ARHGAP24: variants seen among roughly 807,000 people sequenced by gnomAD.
ARHGAP24 encodes rho GTPase-activating protein 24.
ARHGAP24 carries 50 observed loss-of-function variants against 76.4 expected under a neutral mutation model. The ratio of observed to expected loss-of-function variants is 0.65; its 90% confidence interval spans 0.52 to 0.83. The LOEUF (loss-of-function observed/expected upper bound fraction) is 0.83. Among genes scored for constraint, ARHGAP24 ranks in the 40% least tolerant of loss-of-function variants. The pLI, the probability that ARHGAP24 is intolerant of heterozygous loss-of-function variation, is 0.00. For synonymous variants in ARHGAP24, 345 were observed against 323.3 expected, an observed-to-expected ratio of 1.07 and a Z score of -0.72; for missense variants, 930 against 914.2, an observed-to-expected ratio of 1.02 and a Z score of -0.22.
At chr4:85,502,040 C>T (rs187249104) in intron 1 of ARHGAP24, among the ~76,000 whole-genome samples, 68 of 151,980 alleles carry the variant, frequency 4.5e-4, no homozygotes, top group Middle Eastern at 6.8e-3. Context: ...TGTAGATATG[C>T]GGTGATATTT....
intron 3 of ARHGAP24, chr4:85,827,904 G>T: frequency 7.8e-7 from 1 of 1,289,740 alleles, no homozygotes; most frequent in Non-Finnish European, 1.0e-6. Context: ...GGACAGAGCA[G>T]CTGCTCTGTC....
intron 3 of ARHGAP24, among the ~76,000 whole-genome samples, chr4:85,854,175 C>G (rs1731428089): frequency 6.7e-6 from 1 of 149,132 alleles, no homozygotes; most frequent in Non-Finnish European, 1.5e-5. Flanking sequence ...GGAAAACTTG[C>G]AACTTTGACT....
intron 3 of ARHGAP24, among the ~76,000 whole-genome samples, chr4:85,833,685 A>G (rs1730113636): frequency 6.6e-6 from 1 of 152,214 alleles, no homozygotes; most frequent in African/African-American, 2.4e-5. Context: ...TAGCTAAGAA[A>G]CCCAGAAAAG....
chr4:85,868,579 C>G (rs1351669717), intron 3 of ARHGAP24, among the ~76,000 whole-genome samples: 2 of 151,998 alleles, frequency 1.3e-5, no homozygotes, highest in African/African-American at 4.8e-5. Context: ...ATATTATACA[C>G]TAAATATAAT....
chr4:85,822,381 T>G (rs1578261969), intron 3 of ARHGAP24, among the ~76,000 whole-genome samples: 1 of 152,170 alleles, frequency 6.6e-6, no homozygotes, highest in African/African-American at 2.4e-5. Flanking sequence ...AAGATTTACA[T>G]TGAGGACCCA....
intron 3 of ARHGAP24, among the ~76,000 whole-genome samples, chr4:85,856,004 G>C (rs552954582): frequency 6.6e-6 from 1 of 152,228 alleles, no homozygotes; most frequent in South Asian, 2.1e-4. Flanking sequence ...AATTTGCTAA[G>C]TGTATGTTTA....
intron 2 of ARHGAP24, among the ~76,000 whole-genome samples, chr4:85,623,765 A>C (rs1419319787): frequency 4.6e-5 from 7 of 151,608 alleles, no homozygotes; most frequent in East Asian, 1.9e-4. Flanking sequence ...CTTTTATTTC[A>C]TTGAGCAGTG....
At chr4:85,774,904 C>T (rs1405147230) in intron 3 of ARHGAP24, among the ~76,000 whole-genome samples, 1 of 152,092 alleles carries the variant, frequency 6.6e-6, no homozygotes, top group Non-Finnish European at 1.5e-5. Flanking sequence ...AAATATTTGT[C>T]AAATGCCTGT....
intron 6 of ARHGAP24, 193 bp downstream of exon 6, chr4:85,972,361 A>C: frequency 1.5e-6 from 1 of 674,034 alleles, no homozygotes. Flanking sequence ...TGATCAAAAA[A>C]AAAGAATATG....
intron 3 of ARHGAP24, among the ~76,000 whole-genome samples, chr4:85,810,966 C>T (rs1204569600): frequency 6.6e-6 from 1 of 152,166 alleles, no homozygotes; most frequent in Non-Finnish European, 1.5e-5. Flanking sequence ...CCTGATGGCT[C>T]ATGACCTGTA....
rs899091914 is a variant in ARHGAP24, at chr4:85,906,798, A to G, written c.269-16850A>G. On this transcript the variant is annotated intron_variant, in intron 3 of 9. Transcript: ENST00000395184. ...TAGGTTGACTTATAAACAAAATTAC[A>G]TGAAGAGAGGGATGAAAGACAAAAA... is the stretch of plus-strand genomic sequence containing the variant. Among the ~76,000 whole-genome samples, 2 of 152,170 alleles carry G rather than the reference A, an allele frequency of 1.3e-5. 1 individual carries two copies. Among genetic ancestry groups the G allele is most frequent in the South Asian group, 4.2e-4 (2 of 4,816 alleles).
rs551445286 is a variant in ARHGAP24, at chr4:85,810,536, A to G, written c.268+88564A>G. Among the ~76,000 whole-genome samples the G allele has an allele frequency of 2.0e-5, 3 of 152,292 alleles. No homozygotes were observed. In the South Asian group the frequency reaches 6.2e-4, roughly 32 times the overall value. ...CTTGGGCAGGTCATTTAGCTGTTTT[A>G]TGCCCCAGTTTCTTACTTTTCTAGA... On this transcript the variant is annotated intron_variant, in intron 3 of 9. Coordinates refer to ENST00000395184, the MANE Select transcript of ARHGAP24 (RefSeq NM_001025616.3).
intron 2 of ARHGAP24, among the ~76,000 whole-genome samples, chr4:85,639,306 G>A (rs1721440219): frequency 6.6e-6 from 1 of 152,018 alleles, no homozygotes; most frequent in Non-Finnish European, 1.5e-5. Flanking sequence ...AACTATTTCA[G>A]TAAATTTTAG....
intron 3 of ARHGAP24, among the ~76,000 whole-genome samples, chr4:85,793,931 C>G (rs1181354190): frequency 6.6e-6 from 1 of 152,074 alleles, no homozygotes; most frequent in Non-Finnish European, 1.5e-5. Context: ...TAAGGCATCA[C>G]CTGAGAAGAA....
chr4:85,861,691 A>G (rs910967346), intron 3 of ARHGAP24, among the ~76,000 whole-genome samples: 1 of 151,980 alleles, frequency 6.6e-6, no homozygotes, highest in African/African-American at 2.4e-5. Flanking sequence ...TTATTTTTAT[A>G]ATGTTACTTT....
At chr4:85,693,346 G>C (rs763740287) in intron 2 of ARHGAP24, among the ~76,000 whole-genome samples, 16 of 152,176 alleles carry the variant, frequency 1.1e-4, no homozygotes, top group Non-Finnish European at 2.1e-4. Flanking sequence ...CTGCAGCAAA[G>C]AAATAGGCCA....
At chr4:85,990,590 T>A (rs1740264064) in intron 8 of ARHGAP24, 1 of 151,992 alleles carries the variant, frequency 6.6e-6, no homozygotes, top group South Asian at 2.1e-4. Flanking sequence ...GACACACAGA[T>A]CAATGAAATA....
chr4:85,601,635 A>G (rs1720031893), intron 2 of ARHGAP24, among the ~76,000 whole-genome samples: 1 of 152,196 alleles, frequency 6.6e-6, no homozygotes, highest in African/African-American at 2.4e-5. Context: ...TTTTCACAGT[A>G]TGCAACTAAT....
intron 3 of ARHGAP24, among the ~76,000 whole-genome samples, chr4:85,903,161 T>A (rs1312582779): frequency 6.6e-6 from 1 of 152,174 alleles, no homozygotes; most frequent in Non-Finnish European, 1.5e-5. Context: ...AATGAGAAAT[T>A]TTACACACTT....
Sources: allele counts gnomAD v4.1 joint callset (sites outside exome capture counted in the v4.1 genomes callset), GRCh38; gene constraint gnomAD v4.1.1; transcripts MANE v1.5; gene names NCBI Gene and HGNC (gene_info 2026-07-23, HGNC 2026-07-21).